PIKFYVE: variants seen among roughly 807,000 people sequenced by gnomAD.
PIKFYVE encodes phosphoinositide kinase, FYVE-type zinc finger containing.
PIKFYVE carries 122 observed loss-of-function variants against 257.9 expected under a neutral mutation model. The ratio of observed to expected loss-of-function variants is 0.47; its 90% CI spans 0.41 to 0.55. The LOEUF is 0.55. Ranked by LOEUF, PIKFYVE falls within the 20% of genes least tolerant of loss-of-function variation. PIKFYVE has a pLI of 0.00. For missense variants in PIKFYVE, 2,160 were observed against 2,536.6 expected, an observed-to-expected ratio of 0.85 and a Z score of 3.19; for synonymous variants, 892 against 868.9, an observed-to-expected ratio of 1.03 and a Z score of -0.47.
At chr2:208,283,370 A>G (rs1488630811) in intron 5 of PIKFYVE, among the ~76,000 whole-genome samples, 3 of 152,172 alleles carry the variant, frequency 2.0e-5, no homozygotes, top group Non-Finnish European at 2.9e-5. Flanking sequence ...ATCACACCAT[A>G]TAGGCATGCG....
rs943168457 is a variant in PIKFYVE at position 208,358,453 on chromosome 2, A to G, written c.*3148A>G. On this transcript the variant is annotated 3_prime_UTR_variant, in exon 42 of 42. Coordinates refer to ENST00000264380, the MANE Select transcript of PIKFYVE (RefSeq NM_015040.4). Reference sequence around the variant, plus strand: ...TATTATAGAAAAAATAAAAACTACAATCATTAGCAGTTTTAATACTGCTGT... The same window carrying G: ...TATTATAGAAAAAATAAAAACTACAGTCATTAGCAGTTTTAATACTGCTGT... 2.0e-5 allele frequency: 3 copies of G among 152,352 alleles called. No individual in the cohort carries two copies. The highest frequency in any genetic ancestry group is 1.3e-4 in the Admixed American group (2 of 15,252). The allele number at this position is 152,352 out of a possible 1,614,324, so 9.4% of individuals were successfully genotyped here.
In PIKFYVE at chr2:208,356,261, C is replaced by T. The variant is rs1700154486; in HGVS notation, c.*956C>T. The T allele has an allele frequency of 6.6e-6, 1 of 152,190 alleles. No individual in the cohort carries two copies. The highest frequency in any genetic ancestry group is 6.5e-5 in the Admixed American group (1 of 15,286). 9.4% of individuals were successfully genotyped at this position (152,190 alleles called of 1,614,324 possible). On this transcript the variant is annotated 3_prime_UTR_variant, in exon 42 of 42. Transcript: ENST00000264380. Reference sequence around the variant, plus strand: ...GAGGTAAAGTGTCTTTTCAATATAACCAGCAATTTAGGTGGCATCTATAAA... The same window carrying T: ...GAGGTAAAGTGTCTTTTCAATATAATCAGCAATTTAGGTGGCATCTATAAA...
At chr2:208,266,741 T>G (rs1688684468) in intron 1 of PIKFYVE, among the ~76,000 whole-genome samples, 1 of 152,204 alleles carries the variant, frequency 6.6e-6, no homozygotes, top group South Asian at 2.1e-4. Flanking sequence ...AAGAGTACAG[T>G]TACTTTTCCC....
At chr2:208,307,598 T>C (rs1694482114) in intron 12 of PIKFYVE, among the ~76,000 whole-genome samples, 1 of 151,626 alleles carries the variant, frequency 6.6e-6, no homozygotes, top group South Asian at 2.1e-4. Flanking sequence ...TAAAGATGGG[T>C]TCTTGATTTG....
intron 34 of PIKFYVE, 116 bp downstream of exon 34, chr2:208,346,263 C>A: frequency 1.2e-6 from 1 of 836,088 alleles, no homozygotes. Flanking sequence ...TACTTATGAT[C>A]TCTGAAATAC....
chr2:208,334,816 C>G (rs139665858), intron 24 of PIKFYVE, among the ~76,000 whole-genome samples: 24 of 152,236 alleles, frequency 1.6e-4, no homozygotes, highest in African/African-American at 5.8e-4. Flanking sequence ...GGGATATTTG[C>G]TAATTAGAGC....
At chr2:208,275,060 A>G (rs963015091) in intron 3 of PIKFYVE, among the ~76,000 whole-genome samples, 2 of 152,162 alleles carry the variant, frequency 1.3e-5, no homozygotes, top group East Asian at 1.9e-4. Context: ...ATTTGATTCT[A>G]TCTTGAAGGC....
intron 1 of PIKFYVE, among the ~76,000 whole-genome samples, chr2:208,267,179 G>A (rs1400252267): frequency 1.3e-5 from 2 of 152,208 alleles, no homozygotes; most frequent in Non-Finnish European, 2.9e-5. Context: ...TGTAAAATAT[G>A]TCCAGTGTTG....
intron 12 of PIKFYVE, 180 bp downstream of exon 12, chr2:208,305,193 T>G (rs932529316): frequency 2.7e-5 from 40 of 1,499,226 alleles, no homozygotes; most frequent in Non-Finnish European, 3.5e-5. Context: ...TTTGGTTGAT[T>G]CCTTTTATTT....
intron 17 of PIKFYVE, among the ~76,000 whole-genome samples, chr2:208,321,308 G>A (rs572489877): frequency 5.1e-4 from 77 of 152,156 alleles, no homozygotes; most frequent in African/African-American, 1.8e-3. Flanking sequence ...AAATTCCTAG[G>A]TAAATACATT....
chr2:208,272,907 C>G (rs1250699666), intron 2 of PIKFYVE, among the ~76,000 whole-genome samples: 1 of 152,124 alleles, frequency 6.6e-6, no homozygotes, highest in Admixed American at 6.5e-5. Context: ...TTACATTAGT[C>G]TGGTACATTT....
At chr2:208,277,222 C>T (rs559175976) in intron 4 of PIKFYVE, among the ~76,000 whole-genome samples, 30 of 152,040 alleles carry the variant, frequency 2.0e-4, no homozygotes, top group Non-Finnish European at 3.5e-4. Flanking sequence ...TAAATTCCAC[C>T]GTAAGTCCAT....
chr2:208,308,488 CTAT>C (rs1226541018), intron 12 of PIKFYVE, among the ~76,000 whole-genome samples: 1 of 151,898 alleles, frequency 6.6e-6, no homozygotes, highest in Non-Finnish European at 1.5e-5. Flanking sequence ...ATACAATACA[CTAT>C]TATTAACTGT....
intron 1 of PIKFYVE, among the ~76,000 whole-genome samples, chr2:208,270,352 T>G (rs1395095876): frequency 6.6e-6 from 1 of 152,170 alleles, no homozygotes; most frequent in Non-Finnish European, 1.5e-5. Flanking sequence ...CAGTCTACAT[T>G]ATTTTAATGA....
At chr2:208,298,853 TTC>T in intron 8 of PIKFYVE, 74 bp downstream of exon 8, 1 of 1,582,886 alleles carries the variant, frequency 6.3e-7, no homozygotes, top group African/African-American at 1.3e-5. Context: ...GTCTTTTTTT[TTC>T]TTTTTGAGAC....
At chr2:208,333,046 A>G (rs1248603912) in intron 23 of PIKFYVE, among the ~76,000 whole-genome samples, 2 of 151,866 alleles carry the variant, frequency 1.3e-5, no homozygotes, top group Admixed American at 6.6e-5. Context: ...CACCCTGGCT[A>G]ACATCGTGAA....
rs189235324 is a variant in PIKFYVE at position 208,339,905 on chromosome 2, A to G, written c.4811-106A>G. ...AGAAATTTTAAACTGTTATTGGTAT[A>G]GTATACATATGTCCATATTCCGAAA... On this transcript the variant is annotated intron_variant, in intron 30 of 41. Transcript: ENST00000264380. 155 of 1,272,072 alleles carry G rather than the reference A, an allele frequency of 1.2e-4. 1 individual carries two copies. The Admixed American group carries it at 3.1e-3, about 26-fold the overall frequency. 78.8% of individuals were successfully genotyped at this position (1,272,072 alleles called of 1,614,324 possible).
At chr2:208,288,644 A>C in intron 6 of PIKFYVE, 85 bp from the exon 7 acceptor site, 4 of 1,566,192 alleles carry the variant, frequency 2.6e-6, no homozygotes, top group Non-Finnish European at 3.5e-6. Context: ...AAAAAGATTA[A>C]ATCTGCTTTT....
intron 11 of PIKFYVE, 44 bp downstream of exon 11, chr2:208,304,362 T>C: frequency 6.3e-7 from 1 of 1,583,992 alleles, no homozygotes; most frequent in Non-Finnish European, 8.7e-7. Flanking sequence ...GGGTCATTGC[T>C]GTGTATGTAT....
Sources: gnomAD v4.1 joint callset for allele counts (sites outside exome capture counted in the v4.1 genomes callset) on GRCh38, gnomAD v4.1.1 for gene constraint, MANE v1.5 for transcripts, NCBI Gene and HGNC (gene_info 2026-07-23, HGNC 2026-07-21) for gene names.